The following EXOC6B variants were observed in gnomAD, a reference collection of about 807,000 sequenced individuals.
EXOC6B encodes the protein exocyst complex component 6B.
Under a neutral mutation model 113.5 loss-of-function variants are expected in EXOC6B, and 54 were observed. That is an observed-to-expected ratio of 0.48 (90% confidence interval 0.38 to 0.60). The LOEUF is 0.60. Among genes scored for constraint, EXOC6B ranks in the 20% least tolerant of loss-of-function variants. The pLI is 0.00. For synonymous variants in EXOC6B, 357 were observed against 339.0 expected (o/e 1.05, Z -0.58); for missense variants, 797 against 977.5 (o/e 0.82, Z 2.46).
chr2:72,315,383 G>T (rs755487631), intron 20 of EXOC6B, among the ~76,000 whole-genome samples: 1 of 151,768 alleles, frequency 6.6e-6, no homozygotes, highest in Admixed American at 6.6e-5. Context: ...GGATCTTATA[G>T]ACCATTAAAA....
rs2104527668 is a variant in EXOC6B, at chr2:72,677,332, A to C, written c.669+40771T>G. 1.3e-5 allele frequency among the ~76,000 whole-genome samples: 2 copies of C among 152,230 alleles called. 1 individual carries two copies. Among genetic ancestry groups the C allele is most frequent in the Middle Eastern group, 6.8e-3 (2 of 294 alleles). On this transcript the variant is annotated intron_variant, in intron 6 of 21. Transcript: ENST00000272427. ...GATCCCTTGAGCCCAGGAGTTCAAG[A>C]CCAGCCTGGGCAACATGGTGAAACC...
chr2:72,654,709 A>T (rs1046971321), intron 6 of EXOC6B, among the ~76,000 whole-genome samples: 1 of 152,206 alleles, frequency 6.6e-6, no homozygotes, highest in Admixed American at 6.5e-5. Flanking sequence ...TTTCAGTCCA[A>T]AAATACAGTG....
chr2:72,652,449 T>C (rs1674248463), intron 6 of EXOC6B, among the ~76,000 whole-genome samples: 1 of 152,218 alleles, frequency 6.6e-6, no homozygotes, highest in Non-Finnish European at 1.5e-5. Flanking sequence ...AGGATACATA[T>C]CGATCATTCA....
At chr2:72,549,077 G>A (rs1336114568) in intron 8 of EXOC6B, among the ~76,000 whole-genome samples, 1 of 151,892 alleles carries the variant, frequency 6.6e-6, no homozygotes, top group Non-Finnish European at 1.5e-5. Context: ...TAGTAATTCA[G>A]GTAGAAGGGA....
chr2:72,527,096 C>A (rs1377023432), intron 8 of EXOC6B, among the ~76,000 whole-genome samples: 2 of 151,984 alleles, frequency 1.3e-5, no homozygotes, highest in Non-Finnish European at 2.9e-5. Context: ...CTAAGAACCA[C>A]TAACCTCTTC....
chr2:72,498,515 G>A lies in EXOC6B; in HGVS notation c.1276C>T (p.Leu426=). ...GFPVNQLFDM[L]LEIRDQYSET... Reference sequence around the variant, plus strand: ...CTATATTGGTCTCTGATTTCTAACAGCATGTCAAAAAGCTGATTTACAGGG... The same window carrying A: ...CTATATTGGTCTCTGATTTCTAACAACATGTCAAAAAGCTGATTTACAGGG... The change falls in exon 13 of 22, where the codon CTG becomes TTG. Residue 426 remains leucine (L), a synonymous_variant. Transcript: ENST00000272427. 1.2e-6 allele frequency: 2 copies of A among 1,610,836 alleles called. No homozygotes were observed. Among genetic ancestry groups the A allele is most frequent in the Non-Finnish European group, 1.7e-6 (2 of 1,178,708 alleles).
intron 6 of EXOC6B, among the ~76,000 whole-genome samples, chr2:72,673,901 A>G (rs570403885): frequency 1.4e-3 from 220 of 152,102 alleles, no homozygotes; most frequent in Non-Finnish European, 2.4e-3. Flanking sequence ...TACCACCATC[A>G]GCCCTCAATT....
At chr2:72,307,161 G>GTTTTTTTTTTTTTTT (rs1553371308) in intron 20 of EXOC6B, among the ~76,000 whole-genome samples, 1 of 128,490 alleles carries the variant, frequency 7.8e-6, no homozygotes, top group African/African-American at 3.8e-5. Context: ...GTATAGTCCA[G>GTTTTTTTTTTTTTTT]TTTTTTTTTT....
chr2:72,556,185 G>A (rs7560599), intron 8 of EXOC6B, among the ~76,000 whole-genome samples: 130,659 of 152,210 alleles, frequency 0.86, 56,480 homozygotes, highest in East Asian at 0.99. Flanking sequence ...TTTCTGGAAG[G>A]CCAAAGAACA....
intron 18 of EXOC6B, among the ~76,000 whole-genome samples, chr2:72,411,583 C>T (rs1371759279): frequency 6.6e-6 from 1 of 152,110 alleles, no homozygotes; most frequent in Non-Finnish European, 1.5e-5. Context: ...GGGGAAAAAA[C>T]TAGTTTCTCA....
chr2:72,363,650 T>C (rs1216182111), intron 19 of EXOC6B, among the ~76,000 whole-genome samples: 2 of 152,024 alleles, frequency 1.3e-5, no homozygotes, highest in African/African-American at 2.4e-5. Flanking sequence ...CAGCTAATAA[T>C]TAGTGCATAC....
At chr2:72,396,493 G>C (rs1388367091) in intron 18 of EXOC6B, among the ~76,000 whole-genome samples, 1 of 152,082 alleles carries the variant, frequency 6.6e-6, no homozygotes, top group Non-Finnish European at 1.5e-5. Context: ...ACCAGAAAAA[G>C]AAGAGAAGCC....
At chr2:72,790,649 G>T in intron 1 of EXOC6B, among the ~76,000 whole-genome samples, 1 of 152,160 alleles carries the variant, frequency 6.6e-6, no homozygotes, top group Non-Finnish European at 1.5e-5. Flanking sequence ...AAACTACTAC[G>T]TAGAAAACAA....
chr2:72,637,083 A>G (rs765418229), intron 6 of EXOC6B, among the ~76,000 whole-genome samples: 3 of 152,232 alleles, frequency 2.0e-5, no homozygotes, highest in Non-Finnish European at 2.9e-5. Flanking sequence ...TGTTAAAACA[A>G]AAAGATATAC....
At chr2:72,589,021 T>C (rs886206410) in intron 6 of EXOC6B, among the ~76,000 whole-genome samples, 2 of 151,834 alleles carry the variant, frequency 1.3e-5, no homozygotes, top group Non-Finnish European at 2.9e-5. Flanking sequence ...AGAATTACTA[T>C]GAAGAAACAA....
chr2:72,774,508 A>G (rs1683584307), intron 1 of EXOC6B, among the ~76,000 whole-genome samples: 1 of 152,202 alleles, frequency 6.6e-6, no homozygotes, highest in Non-Finnish European at 1.5e-5. Flanking sequence ...GAAGTTACTA[A>G]AAAAACTAAA....
At chr2:72,537,317 A>T (rs1702350993) in intron 8 of EXOC6B, among the ~76,000 whole-genome samples, 1 of 152,136 alleles carries the variant, frequency 6.6e-6, no homozygotes, top group South Asian at 2.1e-4. Context: ...TAAAAACACA[A>T]AACAGGCCAG....
chr2:72,345,444 G>T (rs934531158), intron 19 of EXOC6B, among the ~76,000 whole-genome samples: 1 of 152,082 alleles, frequency 6.6e-6, no homozygotes, highest in African/African-American at 2.4e-5. Flanking sequence ...CCTTTAGTAG[G>T]TGAATGGATA....
intron 6 of EXOC6B, among the ~76,000 whole-genome samples, chr2:72,643,090 A>G (rs1465588040): frequency 2.0e-5 from 3 of 152,058 alleles, no homozygotes; most frequent in East Asian, 1.9e-4. Flanking sequence ...TTAGAATGGC[A>G]ATCATTAAAA....
Sources: gnomAD v4.1 joint callset for allele counts (sites outside exome capture counted in the v4.1 genomes callset) on GRCh38, gnomAD v4.1.1 for gene constraint, MANE v1.5 for transcripts, NCBI Gene and HGNC (gene_info 2026-07-23, HGNC 2026-07-21) for gene names.